The following ATRN variants were observed in gnomAD, a reference collection of about 807,000 sequenced individuals.
The protein encoded by ATRN is attractin.
ATRN carries 54 observed loss-of-function variants against 178.7 expected under a neutral mutation model. The observed-to-expected ratio is 0.30, with a 90% confidence interval of 0.24 to 0.38. The LOEUF is 0.38. Ranked by LOEUF, ATRN falls within the 10% of genes least tolerant of loss-of-function variation. ATRN has a pLI of 1.00. For missense variants in ATRN, 1,443 were observed against 1,815.1 expected (o/e 0.79, Z 3.73); for synonymous variants, 636 against 663.0 (o/e 0.96, Z 0.63).
chr20:3,587,779 T>C (rs2086378120), intron 18 of ATRN, among the ~76,000 whole-genome samples: 1 of 152,192 alleles, frequency 6.6e-6, no homozygotes, highest in Non-Finnish European at 1.5e-5. Context: ...AGCCAACTGG[T>C]TTGATAAGGT....
chr20:3,509,519 CAG>C (rs1293773099), intron 1 of ATRN, among the ~76,000 whole-genome samples: 2 of 141,946 alleles, frequency 1.4e-5, no homozygotes, highest in Non-Finnish European at 3.0e-5. Context: ...TTTTTGGAGA[CAG>C]GAGTCTTGCT....
At chr20:3,562,189 A>G in intron 8 of ATRN, 87 bp from the exon 9 acceptor site, 2 of 1,158,854 alleles carry the variant, frequency 1.7e-6, no homozygotes, top group South Asian at 3.2e-5. Flanking sequence ...CCTGAAATCC[A>G]TTCTCATGCC....
rs565691072 is a variant in ATRN, at chr20:3,605,685, C to T, written c.3801+1423C>T. ...AAACCAGGTACCACATGTTCTCACT[C>T]GTAAGTGGGAGCCGAGAACACATGG... On this transcript the variant is annotated intron_variant, in intron 24 of 28. Transcript: ENST00000262919. Among the ~76,000 whole-genome samples, 7 of 152,060 alleles carry T rather than the reference C, an allele frequency of 4.6e-5. No individual in the cohort carries two copies. The East Asian group carries it at 5.8e-4, about 13-fold the overall frequency.
rs1213029974 is a variant in ATRN at position 3,647,571 on chromosome 20, T to A, written c.*724T>A. 6.6e-6 allele frequency: 1 copy of A among 152,206 alleles called. No individual in the cohort carries two copies. Among genetic ancestry groups the A allele is most frequent in the African/African-American group, 2.4e-5 (1 of 41,428 alleles). The allele number at this position is 152,206 out of a possible 1,614,324, so 9.4% of individuals were successfully genotyped here. On this transcript the variant is annotated 3_prime_UTR_variant, in exon 29 of 29. Coordinates refer to ENST00000262919, the MANE Select transcript of ATRN (RefSeq NM_139321.3). ...CTCTTCCTTTCTCTCTGCCTGTCCC[T>A]CTCCTTCTCCATCTCACCCTCCCTC...
At chr20:3,629,952 T>G (rs2086977381) in intron 25 of ATRN, among the ~76,000 whole-genome samples, 1 of 152,216 alleles carries the variant, frequency 6.6e-6, no homozygotes, top group Admixed American at 6.5e-5. Flanking sequence ...GTTTTTTTAT[T>G]GAGGTTTCAT....
At chr20:3,615,065 A>G (rs1485237375) in intron 24 of ATRN, among the ~76,000 whole-genome samples, 1 of 152,098 alleles carries the variant, frequency 6.6e-6, no homozygotes, top group Non-Finnish European at 1.5e-5. Context: ...ATAGTGTCAG[A>G]TATACTTTTA....
chr20:3,630,916 C>CTTTTTTTTTT lies in ATRN; in HGVS notation c.3864-3356_3864-3347dup, dbSNP rs368394749. ...ACCATGTCTAAAAGAATTTATTTAG[C>CTTTTTTTTTT]TTTTTTTTTTTTTTTTTTTTTTTTT... On this transcript the variant is annotated intron_variant, in intron 25 of 28. Transcript: ENST00000262919. Among the ~76,000 whole-genome samples, 32 of 43,458 alleles carry CTTTTTTTTTT rather than the reference C, an allele frequency of 7.4e-4. 9 individuals are homozygous for CTTTTTTTTTT. The highest frequency in any genetic ancestry group is 1.1e-3 in the Non-Finnish European group (27 of 23,620). The allele number at this position is 43,458 out of a possible 152,430, so 28.5% of individuals were successfully genotyped here. A position where few individuals can be genotyped will look rare whatever the true frequency, so the allele number is the denominator to read the frequency against.
rs1238265454 is a variant in ATRN, at chr20:3,650,464, A to G, written c.*3617A>G. 6.6e-6 allele frequency: 1 copy of G among 152,548 alleles called. No homozygotes were observed. The highest frequency in any genetic ancestry group is 1.5e-5 in the Non-Finnish European group (1 of 68,044). 9.4% of individuals were successfully genotyped at this position (152,548 alleles called of 1,614,324 possible). On this transcript the variant is annotated 3_prime_UTR_variant, in exon 29 of 29. Transcript: ENST00000262919. ...GTGGTGGTTTCTGTGAGAATTGGCCATCCTGAGGACACAGCCAGGACGGCA... is the reference window on the plus strand; with the variant it reads ...GTGGTGGTTTCTGTGAGAATTGGCCGTCCTGAGGACACAGCCAGGACGGCA...
intron 3 of ATRN, among the ~76,000 whole-genome samples, chr20:3,541,827 C>T (rs2146192329): frequency 6.6e-6 from 1 of 152,306 alleles, no homozygotes; most frequent in South Asian, 2.1e-4. Flanking sequence ...TTGTCTCAAA[C>T]ATTTTATTTC....
At chr20:3,589,991 C>G (rs1023013538) in intron 18 of ATRN, among the ~76,000 whole-genome samples, 9 of 152,150 alleles carry the variant, frequency 5.9e-5, no homozygotes, top group African/African-American at 2.2e-4. Flanking sequence ...CTCTTGTTGC[C>G]CAGGCTGGAG....
intron 1 of ATRN, among the ~76,000 whole-genome samples, chr20:3,529,324 T>C (rs990495670): frequency 6.6e-6 from 1 of 152,232 alleles, no homozygotes; most frequent in African/African-American, 2.4e-5. Context: ...ATCTATACTT[T>C]AATCCAGTGA....
intron 1 of ATRN, among the ~76,000 whole-genome samples, chr20:3,521,251 G>C (rs758155157): frequency 3.1e-4 from 47 of 151,866 alleles, no homozygotes; most frequent in Non-Finnish European, 5.6e-4. Flanking sequence ...GCATACAAAG[G>C]ATTCTTTGTA....
intron 19 of ATRN, 124 bp from the exon 20 acceptor site, chr20:3,594,355 C>G (rs577591821): frequency 1.6e-6 from 1 of 623,492 alleles, no homozygotes; most frequent in Admixed American, 3.2e-5. Context: ...ATTGAATGCT[C>G]GTACTTTAAT....
chr20:3,479,867 T>A (rs554296405), intron 1 of ATRN, among the ~76,000 whole-genome samples: 1 of 152,320 alleles, frequency 6.6e-6, no homozygotes, highest in African/African-American at 2.4e-5. Context: ...TCCCTTTGTG[T>A]CTCTGTCTTT....
intron 23 of ATRN, among the ~76,000 whole-genome samples, chr20:3,601,883 A>AG (rs1568757407): frequency 2.0e-5 from 3 of 151,628 alleles, no homozygotes; most frequent in Admixed American, 6.6e-5. Context: ...AAAAAAAAAA[A>AG]AAAGAAAAAA....
intron 1 of ATRN, among the ~76,000 whole-genome samples, chr20:3,494,905 C>T (rs2084857782): frequency 6.6e-6 from 1 of 152,052 alleles, no homozygotes; most frequent in Admixed American, 6.5e-5. Context: ...TTTATTGAGT[C>T]TTTCAAGGTT....
chr20:3,580,693 C>A (rs1216521390), intron 15 of ATRN, among the ~76,000 whole-genome samples: 1 of 152,084 alleles, frequency 6.6e-6, no homozygotes, highest in Non-Finnish European at 1.5e-5. Context: ...GGGAGTGGCT[C>A]TTTGAGTGAG....
At chr20:3,505,810 A>G (rs941017750) in intron 1 of ATRN, among the ~76,000 whole-genome samples, 8 of 152,240 alleles carry the variant, frequency 5.3e-5, no homozygotes, top group Non-Finnish European at 1.2e-4. Flanking sequence ...TTAATAAAAA[A>G]GCAGAAATGG....
At chr20:3,481,467 C>T (rs975857294) in intron 1 of ATRN, among the ~76,000 whole-genome samples, 8 of 152,088 alleles carry the variant, frequency 5.3e-5, no homozygotes, top group Admixed American at 5.2e-4. Flanking sequence ...CCCACCTCAG[C>T]GTCCTGAGTA....
Sources: allele counts gnomAD v4.1 joint callset (sites outside exome capture counted in the v4.1 genomes callset), GRCh38; gene constraint gnomAD v4.1.1; transcripts MANE v1.5; gene names NCBI Gene and HGNC (gene_info 2026-07-23, HGNC 2026-07-21).